The following KCNQ1OT1 variants were observed in gnomAD, a reference collection of about 807,000 sequenced individuals.
The protein encoded by KCNQ1OT1 is KCNQ1 opposite strand/antisense transcript 1.
rs781620367 is a variant in KCNQ1OT1 at position 2,621,410 on chromosome 11, G to T, written n.78585C>A. The T allele has an allele frequency of 2.5e-6, 1 of 398,560 alleles. No individual in the cohort carries two copies. The highest frequency in any genetic ancestry group is 4.4e-6 in the Non-Finnish European group (1 of 226,040). The allele number at this position is 398,560 out of a possible 1,614,324, so 24.7% of individuals were successfully genotyped here. Reference sequence around the variant, plus strand: ...TTGGATTATTCGTTTTTTGCTTGTTGATTGGTTTAAGTTCCTTATGGATTC... The same window carrying T: ...TTGGATTATTCGTTTTTTGCTTGTTTATTGGTTTAAGTTCCTTATGGATTC... On this transcript the variant is annotated non_coding_transcript_exon_variant, in exon 1 of 1. Transcript: ENST00000597346. The surrounding 1 kb of genome is among the most constrained non-coding windows in gnomAD (Gnocchi z 5.7).
At chr11:2,641,915 C>G in exon 1 of KCNQ1OT1, 1 of 398,430 alleles carries the variant, frequency 2.5e-6, no homozygotes, top group Non-Finnish European at 4.4e-6. Context: ...ATGTTCTTGG[C>G]ATCTTTGTCA....
chr11:2,626,631 C>T lies in KCNQ1OT1; in HGVS notation n.73364G>A, dbSNP rs1038095527. 5.0e-6 allele frequency: 2 copies of T among 398,624 alleles called. No individual in the cohort carries two copies. Among genetic ancestry groups the T allele is most frequent in the Non-Finnish European group, 8.8e-6 (2 of 226,094 alleles). 24.7% of individuals were successfully genotyped at this position (398,624 alleles called of 1,614,324 possible). A position where few individuals can be genotyped will look rare whatever the true frequency, so the allele number is the denominator to read the frequency against. ...GCCACCTCAATCTCCCAGGCTCAAG[C>T]AATCCTCCCACCTCGGCTTCTTGAG... On this transcript the variant is annotated non_coding_transcript_exon_variant, in exon 1 of 1. Transcript: ENST00000597346. This position sits in a 1 kb window ranked among gnomAD's most constrained non-coding sequence, Gnocchi z 4.0.
chr11:2,689,412 G>C (rs1464366672), exon 1 of KCNQ1OT1: 6 of 398,560 alleles, frequency 1.5e-5, no homozygotes, highest in Non-Finnish European at 2.7e-5. Context: ...GGGAAATGGG[G>C]AGCATAGGGG....
In KCNQ1OT1 at chr11:2,657,777, CT is replaced by C; in HGVS notation, n.42217del. 2.5e-6 allele frequency: 1 copy of C among 398,548 alleles called. No homozygotes were observed. Among genetic ancestry groups the C allele is most frequent in the Non-Finnish European group, 4.4e-6 (1 of 226,052 alleles). 24.7% of individuals were successfully genotyped at this position (398,548 alleles called of 1,614,324 possible). On this transcript the variant is annotated non_coding_transcript_exon_variant, in exon 1 of 1. Coordinates refer to ENST00000597346, the Ensembl canonical transcript of KCNQ1OT1. This position sits in a 1 kb window ranked among gnomAD's most constrained non-coding sequence, Gnocchi z 4.8. ...AGTCTTGTTCTTCATTAACTTGACA[CT>C]TTTGAAGAATACCAGTCAGGTGTCA...
exon 1 of KCNQ1OT1, chr11:2,638,736 G>A (rs1849521078): frequency 6.6e-6 from 1 of 152,126 alleles, no homozygotes; most frequent in Non-Finnish European, 1.5e-5. Flanking sequence ...TGCTAGGTTG[G>A]GGAAGTTCTC....
rs1032231913 is a variant in KCNQ1OT1, at chr11:2,676,605, G to C, written n.23390C>G. 15 of 398,504 alleles carry C rather than the reference G, an allele frequency of 3.8e-5. No homozygotes were observed. Among genetic ancestry groups the C allele is most frequent in the Non-Finnish European group, 5.8e-5 (13 of 226,080 alleles). 24.7% of individuals were successfully genotyped at this position (398,504 alleles called of 1,614,324 possible). A position where few individuals can be genotyped will look rare whatever the true frequency, so the allele number is the denominator to read the frequency against. On this transcript the variant is annotated non_coding_transcript_exon_variant, in exon 1 of 1. Coordinates refer to ENST00000597346, the Ensembl canonical transcript of KCNQ1OT1. This position sits in a 1 kb window ranked among gnomAD's most constrained non-coding sequence, Gnocchi z 4.2. ...TATTCAACAGCCAGCTCTCCAAAGA[G>C]GCCTCTAAGAAATGGGTAGCTTCAC...
chr11:2,641,035 T>G (rs4930004), exon 1 of KCNQ1OT1: 1 of 398,256 alleles, frequency 2.5e-6, no homozygotes. Flanking sequence ...ATTGTATATA[T>G]TTACCTCATT....
rs1294667960 is a variant in KCNQ1OT1 at position 2,654,327 on chromosome 11, G to C, written n.45668C>G. ...ATTTCTTGAGGGGGCCAGGGAGGGG[G>C]CTTCTACTTGCAAAGGATAGGGAGA... is the stretch of plus-strand genomic sequence containing the variant. On this transcript the variant is annotated non_coding_transcript_exon_variant, in exon 1 of 1. Transcript: ENST00000597346. The surrounding 1 kb of genome is among the most constrained non-coding windows in gnomAD (Gnocchi z 6.4). 30 of 398,684 alleles carry C rather than the reference G, an allele frequency of 7.5e-5. No homozygotes were observed. In the East Asian group the frequency reaches 1.1e-3, roughly 14 times the overall value. 24.7% of individuals were successfully genotyped at this position (398,684 alleles called of 1,614,324 possible).
rs533262179 is a variant in KCNQ1OT1 at position 2,660,097 on chromosome 11, G to A, written n.39898C>T. On this transcript the variant is annotated non_coding_transcript_exon_variant, in exon 1 of 1. Transcript: ENST00000597346. ...TCTTACGAGTTAAACTTTTGGTTTC[G>A]TATTTCAGAATTCACTGCCAAATCC... 14 of 393,080 alleles carry A rather than the reference G, an allele frequency of 3.6e-5. No homozygotes were observed. In the South Asian group the frequency reaches 7.8e-4, roughly 22 times the overall value. The allele number at this position is 393,080 out of a possible 1,614,324, so 24.3% of individuals were successfully genotyped here. A position where few individuals can be genotyped will look rare whatever the true frequency, so the allele number is the denominator to read the frequency against.
exon 1 of KCNQ1OT1, chr11:2,622,696 A>T: frequency 7.5e-6 from 3 of 398,332 alleles, no homozygotes; most frequent in Non-Finnish European, 1.3e-5. Flanking sequence ...GATTGTCTGT[A>T]TGTGTGTATG....
At chr11:2,644,175 A>C in exon 1 of KCNQ1OT1, 1 of 398,522 alleles carries the variant, frequency 2.5e-6, no homozygotes, top group Non-Finnish European at 4.4e-6. Context: ...TATTTCATTA[A>C]ATAGGTTTTA....
exon 1 of KCNQ1OT1, chr11:2,688,466 C>T (rs1455037598): frequency 7.5e-6 from 3 of 398,598 alleles, no homozygotes; most frequent in African/African-American, 6.2e-5. Flanking sequence ...AGGAGAACAC[C>T]ACACTGAGGC....
chr11:2,690,898 T>G lies in KCNQ1OT1; in HGVS notation n.9097A>C, dbSNP rs1195829125. ...TGTAAGCCACTGTTTCCGTCTGGGT[T>G]TTGTCATGTGTAGGTCCCAGCGGCT... On this transcript the variant is annotated non_coding_transcript_exon_variant, in exon 1 of 1. Transcript: ENST00000597346. This position sits in a 1 kb window ranked among gnomAD's most constrained non-coding sequence, Gnocchi z 5.1. The G allele has an allele frequency of 2.5e-6, 1 of 398,438 alleles. No individual in the cohort carries two copies. Among genetic ancestry groups the G allele is most frequent in the East Asian group, 3.6e-5 (1 of 28,084 alleles). The allele number at this position is 398,438 out of a possible 1,614,324, so 24.7% of individuals were successfully genotyped here. A position where few individuals can be genotyped will look rare whatever the true frequency, so the allele number is the denominator to read the frequency against.
rs577822962 is a variant in KCNQ1OT1, at chr11:2,660,778, C to G, written n.39217G>C. ...GCTGGGGGAGCCTGAATTGCTACAA[C>G]TTCTTGGGAAAGCAATCTAGCAACA... is the stretch of plus-strand genomic sequence containing the variant. On this transcript the variant is annotated non_coding_transcript_exon_variant, in exon 1 of 1. Coordinates refer to ENST00000597346, the Ensembl canonical transcript of KCNQ1OT1. 2.0e-5 allele frequency: 8 copies of G among 398,628 alleles called. No individual in the cohort carries two copies. The South Asian group carries it at 7.6e-4, about 38-fold the overall frequency. The allele number at this position is 398,628 out of a possible 1,614,324, so 24.7% of individuals were successfully genotyped here.
chr11:2,614,245 T>G (rs1014319776), exon 1 of KCNQ1OT1: 9 of 398,510 alleles, frequency 2.3e-5, no homozygotes, highest in African/African-American at 1.9e-4. Context: ...GCTGCTGCTC[T>G]GGACTACCTA....
At chr11:2,675,477 G>T in exon 1 of KCNQ1OT1, 1 of 398,640 alleles carries the variant, frequency 2.5e-6, no homozygotes, top group Non-Finnish European at 4.4e-6. Context: ...ACATAAAAAC[G>T]TAAATATTTC....
At position 2,613,136 on chromosome 11, in the gene KCNQ1OT1, G is replaced by A; in HGVS notation, n.86859C>T. ...TGAGCCAGTGAATCTTCCACCCTCT[G>A]CTGAGGGGATCTATGTGTGGGTTGG... On this transcript the variant is annotated non_coding_transcript_exon_variant, in exon 1 of 1. Coordinates refer to ENST00000597346, the Ensembl canonical transcript of KCNQ1OT1. This position sits in a 1 kb window ranked among gnomAD's most constrained non-coding sequence, Gnocchi z 4.8. The A allele has an allele frequency of 2.5e-6, 1 of 398,636 alleles. No homozygotes were observed. Among genetic ancestry groups the A allele is most frequent in the Non-Finnish European group, 4.4e-6 (1 of 226,088 alleles). 24.7% of individuals were successfully genotyped at this position (398,636 alleles called of 1,614,324 possible).
rs1422135576 is a variant in KCNQ1OT1 at position 2,657,404 on chromosome 11, C to T, written n.42591G>A. 1.3e-5 allele frequency: 5 copies of T among 398,412 alleles called. No homozygotes were observed. The East Asian group carries it at 1.8e-4, about 14-fold the overall frequency. The allele number at this position is 398,412 out of a possible 1,614,324, so 24.7% of individuals were successfully genotyped here. ...TCTCTTACTAAAGTTTTACAATTTT[C>T]TCCAGAGTTCTTGCATATACTTAGT... On this transcript the variant is annotated non_coding_transcript_exon_variant, in exon 1 of 1. Coordinates refer to ENST00000597346, the Ensembl canonical transcript of KCNQ1OT1. The surrounding 1 kb of genome is among the most constrained non-coding windows in gnomAD (Gnocchi z 4.8).
exon 1 of KCNQ1OT1, chr11:2,609,661 G>C (rs1473237651): frequency 2.5e-6 from 1 of 398,312 alleles, no homozygotes; most frequent in Non-Finnish European, 4.4e-6. Flanking sequence ...CTATTTCTCT[G>C]TTCAGTTCTG....
Sources: allele counts gnomAD v4.1 joint callset, GRCh38; gene constraint gnomAD v4.1.1; non-coding constraint Gnocchi (gnomAD v3.1); transcripts MANE v1.5; gene names NCBI Gene and HGNC (gene_info 2026-07-23, HGNC 2026-07-21).